TGM6: variants seen among roughly 807,000 people sequenced by gnomAD.
The protein encoded by TGM6 is protein-glutamine gamma-glutamyltransferase 6.
In TGM6, 74 loss-of-function variants were observed where a neutral mutation model predicts 77.5. That is an observed-to-expected ratio of 0.96 (90% CI 0.79 to 1.16). The LOEUF (loss-of-function observed/expected upper bound fraction) is 1.16, where lower values mean the gene tolerates loss of function less well. Ranked by LOEUF, TGM6 falls within the 50% of genes most tolerant of loss-of-function variation. The pLI is 0.00. For synonymous variants in TGM6, 383 were observed against 378.9 expected (o/e 1.01, Z -0.12); for missense variants, 968 against 940.2 (o/e 1.03, Z -0.39).
At chr20:2,411,711 CTA>C (rs1403003216) in intron 9 of TGM6, among the ~76,000 whole-genome samples, 1 of 152,004 alleles carries the variant, frequency 6.6e-6, no homozygotes, top group Non-Finnish European at 1.5e-5. Context: ...AACTGGATAT[CTA>C]TGTGCAAAAG....
At chr20:2,406,862 A>AAAAAAAAAAC (rs2084755993) in intron 9 of TGM6, among the ~76,000 whole-genome samples, 1 of 141,832 alleles carries the variant, frequency 7.1e-6, no homozygotes, top group South Asian at 2.3e-4. Context: ...AAAAAAAAAA[A>AAAAAAAAAAC]AAAACCATGG....
At chr20:2,418,448 C>T (rs772317209) in intron 10 of TGM6, among the ~76,000 whole-genome samples, 2 of 152,180 alleles carry the variant, frequency 1.3e-5, no homozygotes, top group African/African-American at 2.4e-5. Flanking sequence ...GGTGAAGTCA[C>T]GAGTTCAGAG....
At chr20:2,427,593 A>G (rs1350638825) in intron 10 of TGM6, among the ~76,000 whole-genome samples, 4 of 152,054 alleles carry the variant, frequency 2.6e-5, no homozygotes, top group Non-Finnish European at 5.9e-5. Context: ...GATGAGTTTA[A>G]CGTGTTCTCC....
intron 7 of TGM6, 44 bp downstream of exon 7, chr20:2,400,488 A>G (rs1413619939): frequency 6.8e-6 from 11 of 1,613,046 alleles, no homozygotes; most frequent in Non-Finnish European, 9.3e-6. Context: ...CTGGAAGCCC[A>G]GCAGGTGGAG....
chr20:2,422,662 C>T (rs2084864288), intron 10 of TGM6, among the ~76,000 whole-genome samples: 1 of 151,854 alleles, frequency 6.6e-6, no homozygotes, highest in African/African-American at 2.4e-5. Flanking sequence ...CAGGCACAGG[C>T]GGTGCATACC....
At chr20:2,426,099 T>C (rs910290257) in intron 10 of TGM6, among the ~76,000 whole-genome samples, 1 of 152,174 alleles carries the variant, frequency 6.6e-6, no homozygotes, top group Non-Finnish European at 1.5e-5. Flanking sequence ...TAGGAAAAAT[T>C]GACATTTTGA....
intron 9 of TGM6, among the ~76,000 whole-genome samples, chr20:2,415,456 G>A (rs1262479570): frequency 6.6e-6 from 1 of 152,208 alleles, no homozygotes; most frequent in Non-Finnish European, 1.5e-5. Context: ...CCTGCTCAGT[G>A]CCTTGCTTGT....
intron 1 of TGM6, among the ~76,000 whole-genome samples, chr20:2,386,268 G>A (rs2084595373): frequency 6.6e-6 from 1 of 152,156 alleles, no homozygotes; most frequent in Admixed American, 6.5e-5. Context: ...GCAGGTCATG[G>A]AGGTGTGATG....
Position 2,417,235 on chromosome 20 carries a change from C to A in TGM6, c.1340C>A (p.Ser447Tyr). 6.3e-7 allele frequency: 1 copy of A among 1,598,820 alleles called. No individual in the cohort carries two copies. The highest frequency in any genetic ancestry group is 8.5e-7 in the Non-Finnish European group (1 of 1,172,828). The change falls in exon 10 of 13, where the codon TCC (serine) becomes TAC (tyrosine). Residue 447 changes from serine to tyrosine, a missense_variant. Transcript: ENST00000202625. ...GACGTTGTGTGATGCCCTGCAGGGT[C>A]CCGGAAAGAGAGGCAGGTGTACAGC... ...ITDLYKYPEG[S>Y]RKERQVYSKA...
intron 9 of TGM6, among the ~76,000 whole-genome samples, chr20:2,412,899 C>T (rs1421532900): frequency 1.3e-5 from 2 of 152,274 alleles, no homozygotes; most frequent in East Asian, 1.9e-4. Context: ...AATGAAAAGG[C>T]ATCCCATTTT....
Position 2,395,452 on chromosome 20 carries a change from T to C in TGM6, c.424+16T>C. The C allele has an allele frequency of 1.2e-6, 2 of 1,614,152 alleles. No homozygotes were observed. Among genetic ancestry groups the C allele is most frequent in the East Asian group, 2.2e-5 (1 of 44,882 alleles). ...TGGTGTGCAGGTAGGAGTGGCCAAG[T>C]CCAATGCAGAGGTTTTTCCAAAAGA... is the stretch of plus-strand genomic sequence containing the variant. On this transcript the variant is annotated intron_variant, in intron 3 of 12. Coordinates refer to ENST00000202625, the MANE Select transcript of TGM6 (RefSeq NM_198994.3).
intron 5 of TGM6, 146 bp from the exon 6 acceptor site, chr20:2,399,415 C>G: frequency 9.9e-7 from 1 of 1,013,648 alleles, no homozygotes. Flanking sequence ...TTTAAGGCAA[C>G]AGATGCCCCT....
At chr20:2,417,193 A>G (rs1599960979) in intron 9 of TGM6, 39 bp from the exon 10 acceptor site, 3 of 1,548,932 alleles carry the variant, frequency 1.9e-6, no homozygotes, top group East Asian at 4.8e-5. Flanking sequence ...TAAAGGAGCA[A>G]GGGGGTGCCT....
rs757850211 is a variant in TGM6 at position 2,394,546 on chromosome 20, G to A, written c.102G>A (p.Arg34=). ...EYPCPELVVR[R]GQSFSLTLEL... ...CCTGCCCTGAGCTGGTGGTTCGCAGGGGCCAGTCGTTCAGCCTCACGCTGG... is the reference window on the plus strand; with the variant it reads ...CCTGCCCTGAGCTGGTGGTTCGCAGAGGCCAGTCGTTCAGCCTCACGCTGG... Residue 34 remains arginine (R), a synonymous_variant, in exon 2 of 13, where the codon AGG becomes AGA. Transcript: ENST00000202625. The A allele has an allele frequency of 1.2e-6, 2 of 1,612,056 alleles. No homozygotes were observed. Among genetic ancestry groups the A allele is most frequent in the South Asian group, 2.2e-5 (2 of 90,968 alleles).
chr20:2,404,470 A>G (rs183771611), intron 9 of TGM6, among the ~76,000 whole-genome samples: 15 of 152,244 alleles, frequency 9.9e-5, no homozygotes, highest in Non-Finnish European at 2.2e-4. Flanking sequence ...TCACCAAGTA[A>G]TTATGACTTC....
chr20:2,430,355 G>A, intron 10 of TGM6, 91 bp from the exon 11 acceptor site: 4 of 1,514,542 alleles, frequency 2.6e-6, no homozygotes, highest in South Asian at 1.1e-5. Context: ...CAGAGAGAAA[G>A]GAGCTATTAG....
chr20:2,385,819 C>T (rs116821573), intron 1 of TGM6, among the ~76,000 whole-genome samples: 1 of 152,192 alleles, frequency 6.6e-6, no homozygotes, highest in Non-Finnish European at 1.5e-5. Context: ...ATTCATCCAA[C>T]CAACATTCAC....
chr20:2,386,484 G>A (rs1171730234), intron 1 of TGM6, among the ~76,000 whole-genome samples: 3 of 152,116 alleles, frequency 2.0e-5, no homozygotes, highest in Non-Finnish European at 2.9e-5. Flanking sequence ...TGGGGTTAAT[G>A]GGGAGCAAAA....
intron 1 of TGM6, among the ~76,000 whole-genome samples, chr20:2,382,765 C>A (rs1323848439): frequency 1.3e-5 from 2 of 152,168 alleles, no homozygotes. Flanking sequence ...CTTCCTGGAG[C>A]TCCTTCTATC....
Sources: gnomAD v4.1 joint callset for allele counts (sites outside exome capture counted in the v4.1 genomes callset) on GRCh38, gnomAD v4.1.1 for gene constraint, MANE v1.5 for transcripts, NCBI Gene and HGNC (gene_info 2026-07-23, HGNC 2026-07-21) for gene names.